Variants in MRC2 observed in about 807,000 individuals in gnomAD.
The protein encoded by MRC2 is mannose receptor C-type 2, also known as C-type mannose receptor 2.
In MRC2, 84 loss-of-function variants were observed where a neutral mutation model predicts 206.2. The observed-to-expected ratio is 0.41, with a 90% CI of 0.34 to 0.49. MRC2 has a LOEUF of 0.49. Ranked by LOEUF, MRC2 falls within the 20% of genes least tolerant of loss-of-function variation. The pLI, the probability that MRC2 is intolerant of heterozygous loss-of-function variation, is 0.31. For synonymous variants in MRC2, 798 were observed against 800.0 expected, an observed-to-expected ratio of 1.00 and a Z score of 0.04; for missense variants, 1,676 against 2,001.5, an observed-to-expected ratio of 0.84 and a Z score of 3.10.
At chr17:62,642,966 C>T (rs1168368576) in intron 1 of MRC2, among the ~76,000 whole-genome samples, 1 of 152,138 alleles carries the variant, frequency 6.6e-6, no homozygotes, top group Non-Finnish European at 1.5e-5. Context: ...CAGTTGCATG[C>T]CACAGCATGG....
chr17:62,644,154 C>T (rs2088445966), intron 1 of MRC2, among the ~76,000 whole-genome samples: 1 of 152,094 alleles, frequency 6.6e-6, no homozygotes, highest in East Asian at 1.9e-4. Context: ...TGTGGTGACT[C>T]CTGTCTGTAA....
At position 62,666,627 on chromosome 17, in the gene MRC2, G is replaced by T; in HGVS notation, c.859+8G>T. ...AGCAGACCTACATCAACGGTGAGCC[G>T]GGGCCTGATGCCTGCTCGTGCCTCT... On this transcript the variant is annotated splice_region_variant and intron_variant, in intron 4 of 29. Transcript: ENST00000303375. The surrounding 1 kb of genome is among the most constrained non-coding windows in gnomAD (Gnocchi z 5.0). 6.4e-7 allele frequency: 1 copy of T among 1,562,060 alleles called. No individual in the cohort carries two copies. Among genetic ancestry groups the T allele is most frequent in the South Asian group, 1.2e-5 (1 of 83,116 alleles).
Position 62,667,240 on chromosome 17 carries a change from T to TG in MRC2, c.974-146dup. On this transcript the variant is annotated intron_variant, in intron 5 of 29. Transcript: ENST00000303375. This position sits in a 1 kb window ranked among gnomAD's most constrained non-coding sequence, Gnocchi z 4.1. The stretch of plus-strand genomic sequence containing the variant: ...AGAAAGCGCGGAGGACCCCGTGGTC[T>TG]GGGGCGGAGCTGGAGCTGAGCACCA... 1.9e-6 allele frequency: 2 copies of TG among 1,035,472 alleles called. No individual in the cohort carries two copies. The highest frequency in any genetic ancestry group is 2.7e-6 in the Non-Finnish European group (2 of 735,776). 64.1% of individuals were successfully genotyped at this position (1,035,472 alleles called of 1,614,324 possible).
chr17:62,652,009 C>G lies in MRC2; in HGVS notation c.119-12539C>G, dbSNP rs1210653398. Among the ~76,000 whole-genome samples, 1 of 152,246 alleles carries G rather than the reference C, an allele frequency of 6.6e-6. No homozygotes were observed. Among genetic ancestry groups the G allele is most frequent in the South Asian group, 2.1e-4 (1 of 4,824 alleles). On this transcript the variant is annotated intron_variant, in intron 1 of 29. Coordinates refer to ENST00000303375, the MANE Select transcript of MRC2 (RefSeq NM_006039.5). The surrounding 1 kb of genome is among the most constrained non-coding windows in gnomAD (Gnocchi z 4.6). ...TTAAGTCAGAAAACATAAATTTTCA[C>G]TATGGAAAATTGTAAATTACAGAAA...
rs909603254 is a variant in MRC2, at chr17:62,653,459, T to A, written c.119-11089T>A. ...CTTCCCCACCACCGCCTGCATTTAG[T>A]AGGTGGAGGGACAGTCCCACCTCTC... On this transcript the variant is annotated intron_variant, in intron 1 of 29. Coordinates refer to ENST00000303375, the MANE Select transcript of MRC2 (RefSeq NM_006039.5). Among the ~76,000 whole-genome samples, 3 of 152,168 alleles carry A rather than the reference T, an allele frequency of 2.0e-5. No homozygotes were observed. The South Asian group carries it at 6.2e-4, about 32-fold the overall frequency.
intron 1 of MRC2, among the ~76,000 whole-genome samples, chr17:62,644,226 C>G (rs1040574339): frequency 6.6e-6 from 1 of 152,040 alleles, no homozygotes; most frequent in Non-Finnish European, 1.5e-5. Flanking sequence ...TGAGACCAGC[C>G]TGACTGACGT....
chr17:62,681,763 C>T, intron 18 of MRC2, 74 bp from the exon 19 acceptor site: 4 of 1,186,306 alleles, frequency 3.4e-6, no homozygotes, highest in Non-Finnish European at 4.9e-6. Flanking sequence ...ATTCCTGCGG[C>T]CTTCATTGCT....
Position 62,666,806 on chromosome 17 carries a change from G to C in MRC2, c.909G>C (p.Leu303Phe), listed in dbSNP as rs776702256. The change falls in exon 5 of 30, where the codon TTG (leucine) becomes TTC (phenylalanine). Residue 303 changes from leucine to phenylalanine, a missense_variant. Physicochemically the swap from Leu to Phe is conservative, Grantham distance 22 (BLOSUM62 0). Around this residue, in one of 3 missense-constraint regions of MRC2, gnomAD observed 1,354 missense variants for 1,636.6 expected, o/e 0.83. Coordinates refer to ENST00000303375, the MANE Select transcript of MRC2 (RefSeq NM_006039.5). This position sits in a 1 kb window ranked among gnomAD's most constrained non-coding sequence, Gnocchi z 5.0. ...CCCTGTGGATCGGCTTGAATGACTT[G>C]GACACGAGCGGAGGCTGGCAGTGGT... ...SSTLWIGLND[L>F]DTSGGWQWSD... 6.2e-7 allele frequency: 1 copy of C among 1,613,370 alleles called. No homozygotes were observed. The highest frequency in any genetic ancestry group is 1.1e-5 in the South Asian group (1 of 91,040).
At chr17:62,660,042 A>G (rs1402751312) in intron 1 of MRC2, among the ~76,000 whole-genome samples, 1 of 152,204 alleles carries the variant, frequency 6.6e-6, no homozygotes, top group Non-Finnish European at 1.5e-5. Flanking sequence ...TGGAAGTGGC[A>G]GAGTAGCTTG....
Position 62,652,697 on chromosome 17 carries a change from G to T in MRC2, c.119-11851G>T, listed in dbSNP as rs1399717831. On this transcript the variant is annotated intron_variant, in intron 1 of 29. Transcript: ENST00000303375. This position sits in a 1 kb window ranked among gnomAD's most constrained non-coding sequence, Gnocchi z 4.6. Reference sequence around the variant, plus strand: ...AGCGGGAAGTGCCACAGATTGAGGGGCGCACGGCGGTGGAGGGAGGGGCGC... The same window carrying T: ...AGCGGGAAGTGCCACAGATTGAGGGTCGCACGGCGGTGGAGGGAGGGGCGC... 6.6e-6 allele frequency among the ~76,000 whole-genome samples: 1 copy of T among 151,874 alleles called. No homozygotes were observed. The highest frequency in any genetic ancestry group is 1.5e-5 in the Non-Finnish European group (1 of 67,972).
chr17:62,630,939 C>A (rs1235554667), intron 1 of MRC2, among the ~76,000 whole-genome samples: 1 of 152,120 alleles, frequency 6.6e-6, no homozygotes, highest in Non-Finnish European at 1.5e-5. Context: ...CTCTGTGAGT[C>A]ATCAGGGCCC....
chr17:62,645,527 A>ATATAT (rs1555675934), intron 1 of MRC2, among the ~76,000 whole-genome samples: 5 of 39,556 alleles, frequency 1.3e-4, no homozygotes, highest in African/African-American at 1.8e-4. Context: ...ATATATATAT[A>ATATAT]TTTTTTTTTT....
At position 62,675,775 on chromosome 17, in the gene MRC2, C is replaced by A; in HGVS notation, c.1570-15C>A. On this transcript the variant is annotated splice_polypyrimidine_tract_variant and intron_variant, in intron 9 of 29. Transcript: ENST00000303375. This position sits in a 1 kb window ranked among gnomAD's most constrained non-coding sequence, Gnocchi z 4.1. ...TTCCCTACAGACACCCCTCTTCTGT[C>A]CACTCTTGAGCCAGGGTTGGACGTG... is the stretch of plus-strand genomic sequence containing the variant. The A allele has an allele frequency of 1.2e-6, 2 of 1,604,880 alleles. No individual in the cohort carries two copies. The highest frequency in any genetic ancestry group is 1.7e-6 in the Non-Finnish European group (2 of 1,171,650).
rs186675398 is a variant in MRC2 at position 62,638,776 on chromosome 17, G to T, written c.118+10856G>T. Among the ~76,000 whole-genome samples the T allele has an allele frequency of 3.5e-3, 525 of 150,736 alleles. 2 individuals are homozygous for T. The highest frequency in any genetic ancestry group is 0.012 in the African/African-American group (497 of 41,036). ...AAAAAAAGAAAGAAACAATTAGCCA[G>T]GCGTGGTGGTGGGCGCCTGTAATCC... is the stretch of plus-strand genomic sequence containing the variant. On this transcript the variant is annotated intron_variant, in intron 1 of 29. Coordinates refer to ENST00000303375, the MANE Select transcript of MRC2 (RefSeq NM_006039.5).
At position 62,637,876 on chromosome 17, in the gene MRC2, TTTTG is replaced by T. The variant is rs569811485; in HGVS notation, c.118+9969_118+9972del. Among the ~76,000 whole-genome samples, 289 of 152,238 alleles carry T rather than the reference TTTTG, an allele frequency of 1.9e-3. 1 individual carries two copies. The highest frequency in any genetic ancestry group is 2.9e-3 in the Non-Finnish European group (200 of 68,030). ...GTACCTTGTCCACGGTGGCATTTGT[TTTTG>T]TTTGTTTGTTTGAAACAGGGTCTTG... On this transcript the variant is annotated intron_variant, in intron 1 of 29. Coordinates refer to ENST00000303375, the MANE Select transcript of MRC2 (RefSeq NM_006039.5).
intron 1 of MRC2, among the ~76,000 whole-genome samples, chr17:62,640,215 T>A (rs2088383604): frequency 1.3e-5 from 2 of 152,022 alleles, no homozygotes; most frequent in South Asian, 4.2e-4. Context: ...GAGACAGTCT[T>A]ACAACATTTA....
At chr17:62,649,446 C>T (rs1485765202) in intron 1 of MRC2, among the ~76,000 whole-genome samples, 3 of 152,080 alleles carry the variant, frequency 2.0e-5, no homozygotes, top group Non-Finnish European at 2.9e-5. Flanking sequence ...CAAAAATTAG[C>T]GAGGCATGGT....
In MRC2 at chr17:62,678,507, T is replaced by C. The variant is rs926109740; in HGVS notation, c.2056T>C (p.Phe686Leu). ...CAGCTGGACTCTGCCCCTGCAGGTG[T>C]TCAGCTCAGAGCGGCTGCAGGACAA... ...DTKLRYCYKV[F>L]SSERLQDKKS... Residue 686 changes from phenylalanine (F) to leucine (L), a missense_variant, in exon 13 of 30, where the codon TTC becomes CTC. Physicochemically the swap from Phe to Leu is conservative, Grantham distance 22. This residue lies in a region of MRC2 where 1,354 missense variants were observed against 1,636.6 expected (regional missense o/e 0.83). Transcript: ENST00000303375. The C allele has an allele frequency of 6.2e-7, 1 of 1,612,074 alleles. No individual in the cohort carries two copies. The highest frequency in any genetic ancestry group is 8.5e-7 in the Non-Finnish European group (1 of 1,179,326).
At chr17:62,649,054 G>A (rs1408888114) in intron 1 of MRC2, among the ~76,000 whole-genome samples, 2 of 152,082 alleles carry the variant, frequency 1.3e-5, no homozygotes, top group Non-Finnish European at 2.9e-5. Context: ...TTCCCAAATC[G>A]AGGCTTGCGG....
Sources: gnomAD v4.1 joint callset for allele counts (sites outside exome capture counted in the v4.1 genomes callset) on GRCh38, gnomAD v4.1.1 for gene constraint, gnomAD v4.1.1 regional missense constraint, Gnocchi (gnomAD v3.1) non-coding constraint, MANE v1.5 for transcripts, NCBI Gene and HGNC (gene_info 2026-07-23, HGNC 2026-07-21) for gene names.